The following CDCA2 variants were observed in gnomAD, a reference collection of about 807,000 sequenced individuals.
CDCA2 encodes cell division cycle associated 2, also known as cell division cycle-associated protein 2.
CDCA2 carries 44 observed loss-of-function variants against 67.0 expected under a neutral mutation model. The ratio of observed to expected loss-of-function variants is 0.66; its 90% CI spans 0.52 to 0.84. The LOEUF (loss-of-function observed/expected upper bound fraction) is 0.84, where lower values mean the gene tolerates loss of function less well. Among genes scored for constraint, CDCA2 ranks in the 40% least tolerant of loss-of-function variants. The pLI, the probability that CDCA2 is intolerant of heterozygous loss-of-function variation, is 0.00. For missense variants in CDCA2, 1,253 were observed against 1,203.2 expected, an observed-to-expected ratio of 1.04 and a Z score of -0.61; for synonymous variants, 447 against 418.7, an observed-to-expected ratio of 1.07 and a Z score of -0.82.
intron 13 of CDCA2, among the ~76,000 whole-genome samples, chr8:25,492,868 G>C (rs143235454): frequency 1.5e-3 from 230 of 152,316 alleles, no homozygotes; most frequent in African/African-American, 5.2e-3. Flanking sequence ...GAAACAAGGG[G>C]GCTAATGGTG....
chr8:25,503,633 C>T, intron 14 of CDCA2, 89 bp downstream of exon 14: 1 of 1,301,580 alleles, frequency 7.7e-7, no homozygotes, highest in Non-Finnish European at 1.1e-6. Flanking sequence ...TTTTCCCATT[C>T]ACTATGTAAA....
At chr8:25,498,066 A>G (rs992917007) in intron 13 of CDCA2, among the ~76,000 whole-genome samples, 1 of 152,208 alleles carries the variant, frequency 6.6e-6, no homozygotes, top group Admixed American at 6.5e-5. Context: ...ATCAAATGGT[A>G]TGTGTGGAGA....
chr8:25,480,721 A>G (rs765565385), intron 8 of CDCA2, among the ~76,000 whole-genome samples: 36 of 152,204 alleles, frequency 2.4e-4, no homozygotes, highest in Non-Finnish European at 4.6e-4. Flanking sequence ...GTGAACCCAG[A>G]TAAGTCTGCT....
rs1310924103 is a variant in CDCA2, at chr8:25,460,365, AAT to A, written c.62-16_62-15del. ...GACAGAGAGTTGTCCTCACCCCTAC[AAT>A]ATGTCGTCCGTTTCAGGAAATGCCT... On this transcript the variant is annotated splice_polypyrimidine_tract_variant and intron_variant, in intron 2 of 14. Coordinates refer to ENST00000330560, the MANE Select transcript of CDCA2 (RefSeq NM_152562.4). 1 of 1,614,024 alleles carries A rather than the reference AAT, an allele frequency of 6.2e-7. No individual in the cohort carries two copies. Among genetic ancestry groups the A allele is most frequent in the Admixed American group, 1.7e-5 (1 of 60,004 alleles).
At chr8:25,496,952 C>T (rs1041807581) in intron 13 of CDCA2, among the ~76,000 whole-genome samples, 1 of 151,934 alleles carries the variant, frequency 6.6e-6, no homozygotes, top group African/African-American at 2.4e-5. Flanking sequence ...GTCCTAAGAA[C>T]GTAGAAAGTT....
At position 25,506,998 on chromosome 8, in the gene CDCA2, C is replaced by T; in HGVS notation, c.2332C>T (p.Gln778Ter). 6.2e-7 allele frequency: 1 copy of T among 1,614,078 alleles called. No homozygotes were observed. The highest frequency in any genetic ancestry group is 1.1e-5 in the South Asian group (1 of 91,072). The change falls in exon 15 of 15, where the codon CAA becomes TAA. Residue 778 changes from glutamine (Q) to a stop codon, truncating the protein, a stop_gained. Coordinates refer to ENST00000330560, the MANE Select transcript of CDCA2 (RefSeq NM_152562.4). LOFTEE classifies it low-confidence loss of function (END_TRUNC). ...DFLGAAEGKL[Q>*]CNRLMPNSQK... Reference sequence around the variant, plus strand: ...CTTAGGAGCTGCAGAAGGAAAACTGCAATGCAATCGTTTAATGCCTAATTC... The same window carrying T: ...CTTAGGAGCTGCAGAAGGAAAACTGTAATGCAATCGTTTAATGCCTAATTC...
intron 1 of CDCA2, 108 bp from the exon 2 acceptor site, chr8:25,460,132 T>A: frequency 9.6e-7 from 1 of 1,040,648 alleles, no homozygotes; most frequent in South Asian, 1.3e-5. Flanking sequence ...CGTGTGTTTC[T>A]ATGCCAGTAT....
chr8:25,504,574 G>A (rs1298671256), intron 14 of CDCA2, among the ~76,000 whole-genome samples: 1 of 152,182 alleles, frequency 6.6e-6, no homozygotes, highest in Non-Finnish European at 1.5e-5. Flanking sequence ...ACTTGAGGAT[G>A]AATGAGGTAC....
chr8:25,461,268 CAAAAAAAA>C (rs61333775), intron 3 of CDCA2, among the ~76,000 whole-genome samples: 1 of 95,944 alleles, frequency 1.0e-5, no homozygotes. Flanking sequence ...ACTCTGTCTC[CAAAAAAAA>C]AAAAAAAAAA....
At chr8:25,491,481 A>G (rs1325570122) in intron 13 of CDCA2, among the ~76,000 whole-genome samples, 1 of 152,240 alleles carries the variant, frequency 6.6e-6, no homozygotes, top group Non-Finnish European at 1.5e-5. Flanking sequence ...CATCAAGACT[A>G]GCAATAGCCG....
rs865916233 is a variant in CDCA2 at position 25,500,448 on chromosome 8, C to T, written c.1672-2925C>T. Reference sequence around the variant, plus strand: ...AGCTTGATTTAATCATTCCACAGTGCATACATATATCAAAATATGGTGTTG... The same window carrying T: ...AGCTTGATTTAATCATTCCACAGTGTATACATATATCAAAATATGGTGTTG... On this transcript the variant is annotated intron_variant, in intron 13 of 14. Coordinates refer to ENST00000330560, the MANE Select transcript of CDCA2 (RefSeq NM_152562.4). 3.9e-5 allele frequency among the ~76,000 whole-genome samples: 6 copies of T among 152,136 alleles called. No homozygotes were observed. In the Middle Eastern group the frequency reaches 0.017, roughly 431 times the overall value.
intron 5 of CDCA2, among the ~76,000 whole-genome samples, chr8:25,467,977 G>A (rs1802982060): frequency 6.6e-6 from 1 of 151,852 alleles, no homozygotes; most frequent in Admixed American, 6.6e-5. Flanking sequence ...GATTAGCCAG[G>A]CATGGTGGCA....
chr8:25,460,186 T>A, intron 1 of CDCA2, 54 bp from the exon 2 acceptor site: 1 of 1,555,910 alleles, frequency 6.4e-7, no homozygotes, highest in Non-Finnish European at 8.9e-7. Context: ...CGTGATCGAA[T>A]CACGTTCATC....
At position 25,503,690 on chromosome 8, in the gene CDCA2, G is replaced by T. The variant is rs527670185; in HGVS notation, c.1843+146G>T. ...CAATGTTTCCTCACATTACCATGAG[G>T]ATTTCAAATGGAGGAAACAGTCACG... On this transcript the variant is annotated intron_variant, in intron 14 of 14. Transcript: ENST00000330560. 6 of 693,094 alleles carry T rather than the reference G, an allele frequency of 8.7e-6. No individual in the cohort carries two copies. In the African/African-American group the frequency reaches 9.1e-5, roughly 10 times the overall value. 42.9% of individuals were successfully genotyped at this position (693,094 alleles called of 1,614,324 possible). A position where few individuals can be genotyped will look rare whatever the true frequency, so the allele number is the denominator to read the frequency against.
chr8:25,503,715 G>A (rs1413851860), intron 14 of CDCA2, among the ~76,000 whole-genome samples, 171 bp downstream of exon 14: 2 of 152,136 alleles, frequency 1.3e-5, no homozygotes, highest in Non-Finnish European at 2.9e-5. Context: ...AAACAGTCAC[G>A]TGTAACTTGT....
chr8:25,497,222 A>G (rs753238561), intron 13 of CDCA2, among the ~76,000 whole-genome samples: 1 of 152,178 alleles, frequency 6.6e-6, no homozygotes, highest in Non-Finnish European at 1.5e-5. Flanking sequence ...TAGAACTACC[A>G]TATGATCCAG....
At chr8:25,460,628 G>C (rs1321765533) in intron 3 of CDCA2, 74 bp downstream of exon 3, 3 of 1,456,234 alleles carry the variant, frequency 2.1e-6, no homozygotes, top group Admixed American at 4.2e-5. Context: ...AGCTTTATTT[G>C]TTTATACGTA....
intron 10 of CDCA2, among the ~76,000 whole-genome samples, chr8:25,484,650 G>T (rs2117517675): frequency 6.7e-6 from 1 of 148,838 alleles, no homozygotes; most frequent in South Asian, 2.1e-4. Context: ...GGAGTGCAGT[G>T]GTGCGGTCAT....
chr8:25,507,885 GAAAT>G lies in CDCA2; in HGVS notation c.*154_*157del. On this transcript the variant is annotated 3_prime_UTR_variant, in exon 15 of 15. Transcript: ENST00000330560. ...TTTGAGTTGAACCTACTTTTATGTA[GAAAT>G]AAATAAGTTTCTTCATCATTCAGAT... The G allele has an allele frequency of 1.5e-6, 1 of 651,324 alleles. No individual in the cohort carries two copies. The highest frequency in any genetic ancestry group is 4.6e-5 in the South Asian group (1 of 21,886). 40.3% of individuals were successfully genotyped at this position (651,324 alleles called of 1,614,324 possible). A position where few individuals can be genotyped will look rare whatever the true frequency, so the allele number is the denominator to read the frequency against.
Sources: allele counts gnomAD v4.1 joint callset (sites outside exome capture counted in the v4.1 genomes callset), GRCh38; gene constraint gnomAD v4.1.1; transcripts MANE v1.5; gene names NCBI Gene and HGNC (gene_info 2026-07-23, HGNC 2026-07-21).